STAG3: variants seen among roughly 807,000 people sequenced by gnomAD.
The protein encoded by STAG3 is cohesin subunit SA-3.
In STAG3, 101 loss-of-function variants were observed where a neutral mutation model predicts 160.7. The ratio of observed to expected loss-of-function variants is 0.63; its 90% confidence interval spans 0.54 to 0.74. The LOEUF (loss-of-function observed/expected upper bound fraction) is 0.74, where lower values mean the gene tolerates loss of function less well. Among genes scored for constraint, STAG3 ranks in the 30% least tolerant of loss-of-function variants. The pLI is 0.00. For missense variants in STAG3, 1,188 were observed against 1,517.4 expected, an observed-to-expected ratio of 0.78 and a Z score of 3.61; for synonymous variants, 519 against 585.0, an observed-to-expected ratio of 0.89 and a Z score of 1.63.
At position 100,180,610 on chromosome 7, in the gene STAG3, A is replaced by G. The variant is rs1177067219; in HGVS notation, c.54A>G (p.Ala18=). 20 of 1,613,604 alleles carry G rather than the reference A, an allele frequency of 1.2e-5. No homozygotes were observed. The highest frequency in any genetic ancestry group is 8.5e-7 in the Non-Finnish European group (1 of 1,179,664). ...AVGDTKRALS[A]SSSSSASLPF... ...GAGATACCAAGAGGGCCTTGTCTGC[A>G]TCTTCTAGTTCCTCTGCCAGTCTAC... The change falls in exon 2 of 34, where the codon GCA becomes GCG. Residue 18 remains alanine, a synonymous_variant. Coordinates refer to ENST00000615138, the MANE Select transcript of STAG3 (RefSeq NM_001282717.2).
At chr7:100,213,880 ACAGG>A in intron 33 of STAG3, 74 bp downstream of exon 33, 1 of 1,613,376 alleles carries the variant, frequency 6.2e-7, no homozygotes, top group South Asian at 1.1e-5. Flanking sequence ...CATCAAATTG[ACAGG>A]CCATAGCCTG....
chr7:100,216,901 C>G (rs1406717224), downstream of STAG3, among the ~76,000 whole-genome samples: 1 of 152,066 alleles, frequency 6.6e-6, no homozygotes, highest in Non-Finnish European at 1.5e-5. Context: ...TAAATAGATC[C>G]AAACCCGCTG....
intron 2 of STAG3, among the ~76,000 whole-genome samples, 189 bp from the exon 3 acceptor site, chr7:100,181,901 C>CAAAAA (rs3041317): frequency 1.4e-5 from 1 of 70,310 alleles, no homozygotes; most frequent in Admixed American, 1.6e-4. Flanking sequence ...AACTCCGTCT[C>CAAAAA]AAAAAAAAAA....
intron 2 of STAG3, 44 bp downstream of exon 2, chr7:100,180,716 C>T (rs1799592118): frequency 8.3e-7 from 1 of 1,198,028 alleles, no homozygotes; most frequent in South Asian, 1.2e-5. Context: ...GTGTCCCTGG[C>T]AGCCTTCCCC....
rs1801469888 is a variant in STAG3, at chr7:100,204,719, C to T, written c.2895C>T (p.Ala965=). 3 of 1,614,056 alleles carry T rather than the reference C, an allele frequency of 1.9e-6. No homozygotes were observed. Among genetic ancestry groups the T allele is most frequent in the East Asian group, 2.2e-5 (1 of 44,878 alleles). ...TGAGGGACCTGGCCCGGAGGTTTGCCTTGAGTTTTGGACCCCAGCAGCTGC... is the reference window on the plus strand; with the variant it reads ...TGAGGGACCTGGCCCGGAGGTTTGCTTTGAGTTTTGGACCCCAGCAGCTGC... The part of the protein sequence containing the change: ...IEMRDLARRF[A]LSFGPQQLQN... Residue 965 remains alanine (A), a synonymous_variant, in exon 27 of 34, where the codon GCC becomes GCT. Coordinates refer to ENST00000615138, the MANE Select transcript of STAG3 (RefSeq NM_001282717.2).
intron 29 of STAG3, among the ~76,000 whole-genome samples, chr7:100,210,068 G>A (rs1244275355): frequency 6.6e-6 from 1 of 152,166 alleles, no homozygotes; most frequent in Non-Finnish European, 1.5e-5. Context: ...AGTGGCTGGG[G>A]AAGCCAGTGA....
intron 1 of STAG3, among the ~76,000 whole-genome samples, chr7:100,178,531 A>G (rs1713272204): frequency 1.3e-5 from 2 of 149,022 alleles, no homozygotes; most frequent in Middle Eastern, 7.1e-3. Context: ...AAGCCTCCAG[A>G]GAGGGGTGCG....
intron 9 of STAG3, among the ~76,000 whole-genome samples, chr7:100,196,514 G>A (rs1350079621): frequency 2.0e-5 from 3 of 152,152 alleles, no homozygotes; most frequent in Admixed American, 6.5e-5. Context: ...TATGGAGACC[G>A]GGTGCAGTGG....
Position 100,197,268 on chromosome 7 carries a change from C to T in STAG3, c.1054C>T (p.Leu352=), listed in dbSNP as rs759248337. ...DSYLKYIGWT[L]HDKHREVRLK... is the part of the protein sequence containing the mutation. ...CTATTTAAAATATATTGGTTGGACTCTGCATGATAAGGTGGGATTCGAGTC... is the reference window on the plus strand; with the variant it reads ...CTATTTAAAATATATTGGTTGGACTTTGCATGATAAGGTGGGATTCGAGTC... The change falls in exon 10 of 34, where the codon CTG becomes TTG. Residue 352 remains leucine (L), a synonymous_variant. Coordinates refer to ENST00000615138, the MANE Select transcript of STAG3 (RefSeq NM_001282717.2). 8.1e-6 allele frequency: 13 copies of T among 1,607,936 alleles called. No homozygotes were observed.
At chr7:100,210,431 C>T (rs1397943021) in intron 29 of STAG3, among the ~76,000 whole-genome samples, 2 of 152,210 alleles carry the variant, frequency 1.3e-5, no homozygotes, top group African/African-American at 2.4e-5. Flanking sequence ...CCAATCTCTG[C>T]AGGAGATAAG....
chr7:100,198,740 C>G, intron 13 of STAG3, 103 bp from the exon 14 acceptor site: 1 of 1,263,664 alleles, frequency 7.9e-7, no homozygotes, highest in Admixed American at 1.7e-5. Context: ...GCTCTCACCT[C>G]CTTTTCCTTT....
chr7:100,206,848 T>C (rs1801700710), intron 29 of STAG3, among the ~76,000 whole-genome samples: 1 of 152,208 alleles, frequency 6.6e-6, no homozygotes, highest in South Asian at 2.1e-4. Flanking sequence ...TTTTAGAACA[T>C]TTTCATCTTT....
At position 100,198,537 on chromosome 7, in the gene STAG3, C is replaced by T. The variant is rs1242645383; in HGVS notation, c.1307C>T (p.Ser436Phe). 6.2e-7 allele frequency: 1 copy of T among 1,614,178 alleles called. No homozygotes were observed. Among genetic ancestry groups the T allele is most frequent in the Non-Finnish European group, 8.5e-7 (1 of 1,180,038 alleles). Residue 436 changes from serine to phenylalanine, a missense_variant, in exon 13 of 34, where the codon TCT becomes TTT. Ser to Phe is a radical substitution (Grantham distance 155, BLOSUM62 -2). Around this residue, in one of 4 missense-constraint regions of STAG3, gnomAD observed 240 missense variants for 358.1 expected, o/e 0.67. Coordinates refer to ENST00000615138, the MANE Select transcript of STAG3 (RefSeq NM_001282717.2). ...CESVYPVVYA[S>F]HRGLASAAGE... ...AGCGTCTACCCAGTTGTGTATGCCT[C>T]TCATCGAGGCCTGGCCTCTGCCGCA...
intron 16 of STAG3, among the ~76,000 whole-genome samples, chr7:100,199,918 T>A (rs868089142): frequency 1.9e-4 from 24 of 126,652 alleles, no homozygotes; most frequent in African/African-American, 7.0e-4. Context: ...AAAAAAAAAT[T>A]AGCTGGGCGT....
chr7:100,197,756 C>T (rs1800781047), intron 10 of STAG3, 22 bp from the exon 11 acceptor site: 1 of 1,594,878 alleles, frequency 6.3e-7, no homozygotes, highest in Non-Finnish European at 8.6e-7. Context: ...TTTCCATTCT[C>T]CTGGTTTTCC....
chr7:100,213,423 CAAT>C (rs1207312259), intron 32 of STAG3: 2 of 985,314 alleles, frequency 2.0e-6, no homozygotes, highest in Non-Finnish European at 2.4e-6. Flanking sequence ...AGAAACCAAA[CAAT>C]GATACCTTCA....
intron 2 of STAG3, 44 bp from the exon 3 acceptor site, chr7:100,182,046 G>T: frequency 6.9e-7 from 1 of 1,443,272 alleles, no homozygotes; most frequent in African/African-American, 1.4e-5. Context: ...TTATATGGAG[G>T]GAATAGGGTG....
chr7:100,214,737 T>G (rs145392532), downstream of STAG3, among the ~76,000 whole-genome samples: 1 of 152,166 alleles, frequency 6.6e-6, no homozygotes. Flanking sequence ...CAAAGGAAAT[T>G]TTATCCTCAT....
At chr7:100,215,310 T>G (rs1382039427), downstream of STAG3, 3 of 152,166 alleles carry the variant, frequency 2.0e-5, no homozygotes, top group Non-Finnish European at 4.4e-5. Flanking sequence ...AGGTCACTCA[T>G]CCAAGACCAC....
Sources: gnomAD v4.1 joint callset for allele counts (sites outside exome capture counted in the v4.1 genomes callset) on GRCh38, gnomAD v4.1.1 for gene constraint, gnomAD v4.1.1 regional missense constraint, MANE v1.5 for transcripts, NCBI Gene and HGNC (gene_info 2026-07-23, HGNC 2026-07-21) for gene names.